The following SPI1 variants were observed in gnomAD, a reference collection of about 807,000 sequenced individuals.
The protein encoded by SPI1 is Spi-1 proto-oncogene, also known as transcription factor PU.1.
SPI1 carries 3 observed loss-of-function variants against 30.7 expected under a neutral mutation model. The ratio of observed to expected loss-of-function variants is 0.10; its 90% confidence interval spans 0.04 to 0.25. The LOEUF (loss-of-function observed/expected upper bound fraction) is 0.25, where lower values mean the gene tolerates loss of function less well. Ranked by LOEUF, SPI1 falls within the 10% of genes least tolerant of loss-of-function variation. The pLI, the probability that SPI1 is intolerant of heterozygous loss-of-function variation, is 1.00. For missense variants in SPI1, 261 were observed against 371.5 expected (o/e 0.70, Z 2.45); for synonymous variants, 169 against 157.1 (o/e 1.08, Z -0.56).
At chr11:47,364,505 T>G (rs2095925624) in intron 2 of SPI1, among the ~76,000 whole-genome samples, 1 of 152,122 alleles carries the variant, frequency 6.6e-6, no homozygotes, top group African/African-American at 2.4e-5. Flanking sequence ...CTTCTGGCTC[T>G]GCCCATTTTT....
At chr11:47,364,925 A>T (rs1257797590) in intron 2 of SPI1, among the ~76,000 whole-genome samples, 2 of 152,112 alleles carry the variant, frequency 1.3e-5, no homozygotes, top group Non-Finnish European at 1.5e-5. Context: ...CTGGAATTCC[A>T]CCTGGGGTCT....
At chr11:47,357,252 CTGCTCACATACA>C (rs1489343219) in intron 4 of SPI1, among the ~76,000 whole-genome samples, 1 of 150,278 alleles carries the variant, frequency 6.7e-6, no homozygotes, top group Non-Finnish European at 1.5e-5. Flanking sequence ...TCACACATAC[CTGCTCACATACA>C]TGCTCACACC....
chr11:47,360,419 C>T (rs535163463), intron 2 of SPI1, among the ~76,000 whole-genome samples: 2 of 152,262 alleles, frequency 1.3e-5, no homozygotes, highest in East Asian at 3.9e-4. Flanking sequence ...GTTGAGTTGC[C>T]TGTAAAATGG....
chr11:47,370,397 G>A (rs10437655), intron 2 of SPI1, among the ~76,000 whole-genome samples: 52,165 of 144,782 alleles, frequency 0.36, 9,365 homozygotes, highest in South Asian at 0.48. Flanking sequence ...GAGAGACACC[G>A]TCTCAAAAAA....
At chr11:47,372,032 C>T (rs2095936609) in intron 2 of SPI1, among the ~76,000 whole-genome samples, 1 of 152,228 alleles carries the variant, frequency 6.6e-6, no homozygotes, top group South Asian at 2.1e-4. Flanking sequence ...CTTCCCTGAC[C>T]ACTCAAATGA....
intron 2 of SPI1, among the ~76,000 whole-genome samples, chr11:47,373,225 G>A (rs1157790790): frequency 2.0e-5 from 3 of 152,034 alleles, no homozygotes; most frequent in Admixed American, 6.5e-5. Context: ...GGTGGCAGGC[G>A]CCTGTAATCC....
At chr11:47,371,309 G>C (rs1341302091) in intron 2 of SPI1, among the ~76,000 whole-genome samples, 1 of 128,286 alleles carries the variant, frequency 7.8e-6, no homozygotes, top group Admixed American at 8.1e-5. Flanking sequence ...GCAGTGAGCT[G>C]ACATCACACC....
chr11:47,360,171 A>G (rs1217330296), intron 2 of SPI1, 131 bp from the exon 3 acceptor site: 4 of 784,458 alleles, frequency 5.1e-6, no homozygotes, highest in African/African-American at 1.8e-5. Flanking sequence ...CGCCACCTGC[A>G]TGGTTACTCT....
At chr11:47,357,204 T>C (rs887866831) in intron 4 of SPI1, among the ~76,000 whole-genome samples, 3 of 140,834 alleles carry the variant, frequency 2.1e-5, no homozygotes, top group Non-Finnish European at 3.1e-5. Context: ...TGCCCACACA[T>C]ATCTGCACAC....
intron 2 of SPI1, among the ~76,000 whole-genome samples, chr11:47,363,825 G>A (rs1427355178): frequency 6.6e-6 from 1 of 151,466 alleles, no homozygotes; most frequent in Admixed American, 6.6e-5. Context: ...AGCTGGGCCT[G>A]ATGGCAGGTG....
chr11:47,375,307 C>T lies in SPI1; in HGVS notation c.142+326G>A, dbSNP rs2095940805. Among the ~76,000 whole-genome samples the T allele has an allele frequency of 6.6e-6, 1 of 152,214 alleles. No individual in the cohort carries two copies. The highest frequency in any genetic ancestry group is 1.9e-4 in the East Asian group (1 of 5,200). ...ACCTGGAGCGGACAGACCTGGGTTCCACCCAGCAGCCGTGTGACCTTGTGC... is the reference window on the plus strand; with the variant it reads ...ACCTGGAGCGGACAGACCTGGGTTCTACCCAGCAGCCGTGTGACCTTGTGC... On this transcript the variant is annotated intron_variant, in intron 2 of 4. Coordinates refer to ENST00000378538, the MANE Select transcript of SPI1 (RefSeq NM_003120.3). The surrounding 1 kb of genome is among the most constrained non-coding windows in gnomAD (Gnocchi z 4.2).
chr11:47,358,905 C>T lies in SPI1; in HGVS notation c.432G>A (p.Glu144=). ...EEGERQSPPL[E]VSDGEADGLE... ...GGCCATCCGCCTCGCCGTCAGACACCTCCAGTGGGGGGCTCTGCCGCTCGC... is the reference window on the plus strand; with the variant it reads ...GGCCATCCGCCTCGCCGTCAGACACTTCCAGTGGGGGGCTCTGCCGCTCGC... The change falls in exon 4 of 5, where the codon GAG becomes GAA. Residue 144 remains glutamate, a synonymous_variant. Transcript: ENST00000378538. 6.4e-7 allele frequency: 1 copy of T among 1,566,864 alleles called. No homozygotes were observed. Among genetic ancestry groups the T allele is most frequent in the Non-Finnish European group, 8.6e-7 (1 of 1,156,410 alleles).
In SPI1 at chr11:47,354,986, G is replaced by A. The variant is rs2095905733; in HGVS notation, c.*241C>T. On this transcript the variant is annotated 3_prime_UTR_variant, in exon 5 of 5. Coordinates refer to ENST00000378538, the MANE Select transcript of SPI1 (RefSeq NM_003120.3). Reference sequence around the variant, plus strand: ...AGTACCCCGGGTCGTCCTCTGCAAGGTTGCCCCGGTGGGGTCTGACGCCCA... The same window carrying A: ...AGTACCCCGGGTCGTCCTCTGCAAGATTGCCCCGGTGGGGTCTGACGCCCA... 3.0e-6 allele frequency: 1 copy of A among 337,908 alleles called. No homozygotes were observed. The highest frequency in any genetic ancestry group is 5.3e-6 in the Non-Finnish European group (1 of 188,226). 20.9% of individuals were successfully genotyped at this position (337,908 alleles called of 1,614,324 possible).
rs756452298 is a variant in SPI1 at position 47,366,231 on chromosome 11, G to A, written c.143-6191C>T. 2.6e-5 allele frequency among the ~76,000 whole-genome samples: 4 copies of A among 151,916 alleles called. 1 individual carries two copies. Among genetic ancestry groups the A allele is most frequent in the Non-Finnish European group, 5.9e-5 (4 of 68,012 alleles). ...CTCTCTAAACCAGTTCTTAATCTGG[G>A]GCCAAAGTCCTACCCACACATCCCT... On this transcript the variant is annotated intron_variant, in intron 2 of 4. Transcript: ENST00000378538.
rs546163869 is a variant in SPI1, at chr11:47,359,683, T to A, written c.330+170A>T. On this transcript the variant is annotated intron_variant, in intron 3 of 4. Coordinates refer to ENST00000378538, the MANE Select transcript of SPI1 (RefSeq NM_003120.3). The surrounding 1 kb of genome is among the most constrained non-coding windows in gnomAD (Gnocchi z 5.1). The stretch of plus-strand genomic sequence containing the variant: ...AGATGAGATAAGGGGTGTGGGGTCA[T>A]GAGGTCACTTGGGGGGTCAGGCGGC... 2.0e-5 allele frequency among the ~76,000 whole-genome samples: 3 copies of A among 149,750 alleles called. No individual in the cohort carries two copies. The highest frequency in any genetic ancestry group is 4.4e-5 in the Non-Finnish European group (3 of 67,468).
In SPI1 at chr11:47,375,995, G is replaced by GCTCACA. The variant is rs375387537; in HGVS notation, c.46-272_46-267dup. ...GGGCTACTCCCCATAGCCACCTCAC[G>GCTCACA]CTCACACTCACACTCACGCCTGTGT... On this transcript the variant is annotated intron_variant, in intron 1 of 4. Transcript: ENST00000378538. This position sits in a 1 kb window ranked among gnomAD's most constrained non-coding sequence, Gnocchi z 4.2. Among the ~76,000 whole-genome samples the GCTCACA allele has an allele frequency of 1.3e-5, 2 of 151,678 alleles. No individual in the cohort carries two copies. Among genetic ancestry groups the GCTCACA allele is most frequent in the Non-Finnish European group, 2.9e-5 (2 of 67,920 alleles).
rs1243113381 is a variant in SPI1 at position 47,374,836 on chromosome 11, C to G, written c.142+797G>C. 6.6e-6 allele frequency among the ~76,000 whole-genome samples: 1 copy of G among 152,250 alleles called. No individual in the cohort carries two copies. The highest frequency in any genetic ancestry group is 2.4e-5 in the African/African-American group (1 of 41,464). The stretch of plus-strand genomic sequence containing the variant: ...GACGGAGGCTGGGCTATGGGGCAGA[C>G]AGTCAGACCCAGAAGGACTGGACAG... On this transcript the variant is annotated intron_variant, in intron 2 of 4. Transcript: ENST00000378538. This position sits in a 1 kb window ranked among gnomAD's most constrained non-coding sequence, Gnocchi z 4.5.
chr11:47,373,558 G>C (rs1695292635), intron 2 of SPI1, among the ~76,000 whole-genome samples: 1 of 151,634 alleles, frequency 6.6e-6, no homozygotes, highest in African/African-American at 2.4e-5. Flanking sequence ...TGAGGCAAGA[G>C]AATCGCTTGG....
Position 47,355,066 on chromosome 11 carries a change from A to AGGGGGCCTGGAGTGGG in SPI1, c.*145_*160dup. On this transcript the variant is annotated 3_prime_UTR_variant, in exon 5 of 5. Transcript: ENST00000378538. The stretch of plus-strand genomic sequence containing the variant: ...TGGAGGGAGGCGAAGCGGGATGTGG[A>AGGGGGCCTGGAGTGGG]GGGGGCCTGGAGTGGGGGGAGGGGG... 2 of 288,940 alleles carry AGGGGGCCTGGAGTGGG rather than the reference A, an allele frequency of 6.9e-6. No homozygotes were observed. The highest frequency in any genetic ancestry group is 9.8e-6 in the Non-Finnish European group (2 of 203,960). The allele number at this position is 288,940 out of a possible 1,614,324, so 17.9% of individuals were successfully genotyped here.
Sources: allele counts gnomAD v4.1 joint callset (sites outside exome capture counted in the v4.1 genomes callset), GRCh38; gene constraint gnomAD v4.1.1; non-coding constraint Gnocchi (gnomAD v3.1); transcripts MANE v1.5; gene names NCBI Gene and HGNC (gene_info 2026-07-23, HGNC 2026-07-21).